GRM5: variants seen among roughly 807,000 people sequenced by gnomAD.
GRM5 encodes metabotropic glutamate receptor 5.
GRM5 carries 19 observed loss-of-function variants against 83.1 expected under a neutral mutation model. That is an observed-to-expected ratio of 0.23 (90% CI 0.16 to 0.34). GRM5 has a LOEUF of 0.34. Among genes scored for constraint, GRM5 ranks in the 10% least tolerant of loss-of-function variants. The probability of loss-of-function intolerance (pLI) is 1.00; values close to 1 mark genes in which losing one functional copy is unlikely to be tolerated. For synonymous variants in GRM5, 675 were observed against 633.6 expected (o/e 1.07, Z -0.98); for missense variants, 1,160 against 1,588.3 (o/e 0.73, Z 4.58).
chr11:88,895,047 C>T (rs1317777809), intron 2 of GRM5, among the ~76,000 whole-genome samples: 3 of 151,844 alleles, frequency 2.0e-5, no homozygotes, highest in Non-Finnish European at 4.4e-5. Context: ...ACAGTGGTAA[C>T]TCTGGATTAA....
intron 3 of GRM5, among the ~76,000 whole-genome samples, chr11:88,791,508 TA>T (rs1381489034): frequency 6.6e-6 from 1 of 152,140 alleles, no homozygotes; most frequent in African/African-American, 2.4e-5. Flanking sequence ...ATTAGAAAAC[TA>T]ATAGATGCAA....
intron 2 of GRM5, among the ~76,000 whole-genome samples, chr11:88,956,073 A>G (rs1023572667): frequency 5.3e-5 from 8 of 152,232 alleles, no homozygotes; most frequent in African/African-American, 1.9e-4. Flanking sequence ...AGAAACTCAA[A>G]CCTCTATTCA....
chr11:89,004,966 T>G (rs1940484313), intron 2 of GRM5, among the ~76,000 whole-genome samples: 1 of 152,136 alleles, frequency 6.6e-6, no homozygotes, highest in Non-Finnish European at 1.5e-5. Context: ...AGCATATGGG[T>G]TACATGCAAT....
At chr11:89,013,912 A>C (rs1247942174) in intron 2 of GRM5, among the ~76,000 whole-genome samples, 9 of 152,180 alleles carry the variant, frequency 5.9e-5, no homozygotes, top group South Asian at 2.1e-4. Context: ...ATTAGGTAAC[A>C]CTTATTCATG....
intron 1 of GRM5, among the ~76,000 whole-genome samples, chr11:89,059,388 A>G (rs1941942426): frequency 6.6e-6 from 1 of 152,222 alleles, no homozygotes; most frequent in South Asian, 2.1e-4. Context: ...ATTCTTGAAT[A>G]TATGAGAAAA....
At chr11:88,706,566 G>A (rs1056581033) in intron 3 of GRM5, among the ~76,000 whole-genome samples, 5 of 151,992 alleles carry the variant, frequency 3.3e-5, no homozygotes, top group African/African-American at 1.2e-4. Context: ...AGGAAATTTT[G>A]GAAGGTGCTA....
In GRM5 at chr11:88,813,068, T is replaced by C. The variant is rs556815144; in HGVS notation, c.911+36838A>G. On this transcript the variant is annotated intron_variant, in intron 3 of 9. Transcript: ENST00000305447. ...GTTTTAACTCCGGGGAAGATTAGTA[T>C]TTATCTCATTTTAATATTTTCTCTT... Among the ~76,000 whole-genome samples the C allele has an allele frequency of 3.3e-5, 5 of 152,278 alleles. No homozygotes were observed. The South Asian group carries it at 1.0e-3, about 32-fold the overall frequency.
At chr11:88,968,640 T>TACTGCAGCCTGGGAGAC (rs1489414686) in intron 2 of GRM5, among the ~76,000 whole-genome samples, 1 of 152,062 alleles carries the variant, frequency 6.6e-6, no homozygotes, top group Admixed American at 6.6e-5. Context: ...TGTACCACTG[T>TACTGCAGCCTGGGAGAC]ACTGCAGCCT....
At chr11:88,581,756 T>A (rs948271606) in intron 7 of GRM5, among the ~76,000 whole-genome samples, 3 of 152,192 alleles carry the variant, frequency 2.0e-5, no homozygotes, top group Non-Finnish European at 4.4e-5. Flanking sequence ...GTTCCCATAA[T>A]AGAGGCTTTG....
At chr11:88,851,531 C>T (rs1045210910) in intron 2 of GRM5, among the ~76,000 whole-genome samples, 1 of 152,172 alleles carries the variant, frequency 6.6e-6, no homozygotes, top group African/African-American at 2.4e-5. Flanking sequence ...GCTCACTGCT[C>T]CTTACAACAA....
intron 3 of GRM5, among the ~76,000 whole-genome samples, chr11:88,709,425 T>C (rs533271382): frequency 6.6e-6 from 1 of 152,152 alleles, no homozygotes; most frequent in African/African-American, 2.4e-5. Context: ...GGATCTGGGA[T>C]GACTTGATTT....
At chr11:88,742,996 C>T (rs1272801682) in intron 3 of GRM5, among the ~76,000 whole-genome samples, 9 of 151,960 alleles carry the variant, frequency 5.9e-5, no homozygotes, top group South Asian at 2.1e-4. Flanking sequence ...ATATAGCCCC[C>T]GACAAATTCT....
At chr11:88,851,905 T>C (rs1309754511) in intron 2 of GRM5, among the ~76,000 whole-genome samples, 4 of 152,176 alleles carry the variant, frequency 2.6e-5, no homozygotes, top group Non-Finnish European at 5.9e-5. Flanking sequence ...TTAACAAAGT[T>C]TAAAGGGCAC....
chr11:88,730,396 A>AG (rs1941780859), intron 3 of GRM5, among the ~76,000 whole-genome samples: 1 of 152,172 alleles, frequency 6.6e-6, no homozygotes, highest in Non-Finnish European at 1.5e-5. Context: ...GTGGAGAAAT[A>AG]GGAATGCTTT....
intron 2 of GRM5, among the ~76,000 whole-genome samples, chr11:88,903,250 TTAA>T (rs1945345950): frequency 6.6e-6 from 1 of 151,928 alleles, no homozygotes; most frequent in Admixed American, 6.6e-5. Context: ...GAGAGGATGT[TTAA>T]GAGGGAGAAT....
chr11:88,811,218 G>A (rs1416228908), intron 3 of GRM5, among the ~76,000 whole-genome samples: 2 of 152,072 alleles, frequency 1.3e-5, no homozygotes, highest in East Asian at 1.9e-4. Flanking sequence ...GACTAAGCTG[G>A]TGCCTTTGAG....
At chr11:88,995,068 G>T (rs1430066811) in intron 2 of GRM5, among the ~76,000 whole-genome samples, 2 of 152,150 alleles carry the variant, frequency 1.3e-5, no homozygotes, top group Non-Finnish European at 2.9e-5. Context: ...TGAGAATTGT[G>T]AGCATGAGCC....
At chr11:88,523,523 A>G (rs73536292) in intron 9 of GRM5, among the ~76,000 whole-genome samples, 3,259 of 152,254 alleles carry the variant, frequency 0.021, 113 homozygotes, top group African/African-American at 0.073. Context: ...CTTCCACAAA[A>G]TGATCCTCTG....
chr11:88,672,672 CT>C (rs1357494244), intron 3 of GRM5, among the ~76,000 whole-genome samples: 1 of 151,848 alleles, frequency 6.6e-6, no homozygotes, highest in Non-Finnish European at 1.5e-5. Context: ...GGAGCAAACA[CT>C]ATGGTCCAGG....
Sources: gnomAD v4.1 joint callset for allele counts (sites outside exome capture counted in the v4.1 genomes callset) on GRCh38, gnomAD v4.1.1 for gene constraint, MANE v1.5 for transcripts, NCBI Gene and HGNC (gene_info 2026-07-23, HGNC 2026-07-21) for gene names.